NFATC3: variants seen among roughly 807,000 people sequenced by gnomAD.
NFATC3 encodes nuclear factor of activated T-cells, cytoplasmic 3.
Under a neutral mutation model 98.6 loss-of-function variants are expected in NFATC3, and 46 were observed. The observed-to-expected ratio is 0.47, with a 90% CI of 0.37 to 0.60. NFATC3 has a LOEUF of 0.60. Ranked by LOEUF, NFATC3 falls within the 20% of genes least tolerant of loss-of-function variation. NFATC3 has a pLI of 0.00. For synonymous variants in NFATC3, 512 were observed against 472.2 expected, an observed-to-expected ratio of 1.08 and a Z score of -1.09; for missense variants, 1,256 against 1,295.5, an observed-to-expected ratio of 0.97 and a Z score of 0.47.
intron 9 of NFATC3, among the ~76,000 whole-genome samples, chr16:68,210,052 C>T (rs1186363058): frequency 6.6e-6 from 1 of 151,866 alleles, no homozygotes; most frequent in Non-Finnish European, 1.5e-5. Context: ...AATCCCAGCA[C>T]TTTGGGAGGC....
intron 9 of NFATC3, chr16:68,192,315 A>G (rs1265886868): frequency 7.6e-6 from 1 of 131,782 alleles, no homozygotes; most frequent in African/African-American, 2.8e-5. Flanking sequence ...ATATATATGT[A>G]TGTGTATATA....
chr16:68,114,797 A>G (rs1191948742), intron 1 of NFATC3, among the ~76,000 whole-genome samples: 2 of 151,166 alleles, frequency 1.3e-5, no homozygotes, highest in African/African-American at 4.9e-5. Context: ...ATAGTCTCGA[A>G]CTCCTGATCT....
chr16:68,192,625 G>C (rs749042378), intron 9 of NFATC3, among the ~76,000 whole-genome samples: 16 of 152,114 alleles, frequency 1.1e-4, no homozygotes, highest in Non-Finnish European at 1.9e-4. Context: ...TTGGAAGGCT[G>C]AGGCGGGTAG....
Position 68,191,345 on chromosome 16 carries a change from A to G in NFATC3, c.2676A>G (p.Arg892=). ...ATCATTGTTCAAATACAGGACAAAG[A>G]TCTCTTTCTTCTCCAGTGGCTGACC... ...MGYHCSNTGQ[R]SLSSPVADQI... The change falls in exon 9 of 10, where the codon AGA becomes AGG. Residue 892 remains arginine (R), a synonymous_variant. Coordinates refer to ENST00000346183, the MANE Select transcript of NFATC3 (RefSeq NM_173165.3). The G allele has an allele frequency of 3.1e-6, 5 of 1,614,036 alleles. No homozygotes were observed. The highest frequency in any genetic ancestry group is 2.2e-5 in the East Asian group (1 of 44,872).
chr16:68,125,817 A>G (rs1455097073), intron 2 of NFATC3, among the ~76,000 whole-genome samples: 1 of 152,210 alleles, frequency 6.6e-6, no homozygotes, highest in East Asian at 1.9e-4. Context: ...ATAAATTATA[A>G]GAATTTGTCT....
At chr16:68,167,136 T>G in intron 5 of NFATC3, 121 bp downstream of exon 5, 2 of 1,001,270 alleles carry the variant, frequency 2.0e-6, no homozygotes, top group Non-Finnish European at 2.9e-6. Context: ...GGTTGCTGGT[T>G]TGATTTTCTC....
At chr16:68,117,470 C>G (rs2036341729) in intron 1 of NFATC3, among the ~76,000 whole-genome samples, 1 of 152,138 alleles carries the variant, frequency 6.6e-6, no homozygotes, top group Admixed American at 6.5e-5. Context: ...CCTCCTTACT[C>G]AGGAGTAACA....
chr16:68,138,528 A>G (rs1567516364), intron 3 of NFATC3: 2 of 1,283,390 alleles, frequency 1.6e-6, no homozygotes, highest in African/African-American at 1.5e-5. Flanking sequence ...AGATACGTTC[A>G]TCTTTTGATG....
At chr16:68,159,868 A>G (rs2038806356) in intron 4 of NFATC3, among the ~76,000 whole-genome samples, 1 of 151,672 alleles carries the variant, frequency 6.6e-6, no homozygotes, top group Non-Finnish European at 1.5e-5. Context: ...ACCTGAGACC[A>G]GGAGTTTGAG....
At chr16:68,126,708 A>G (rs1441411398) in intron 3 of NFATC3, 98 bp downstream of exon 3, 4 of 1,187,520 alleles carry the variant, frequency 3.4e-6, no homozygotes, top group African/African-American at 1.5e-5. Flanking sequence ...AAGAGCATAA[A>G]CTCAAAACTA....
intron 3 of NFATC3, among the ~76,000 whole-genome samples, chr16:68,137,221 T>C (rs2037469717): frequency 2.6e-5 from 4 of 152,228 alleles, no homozygotes; most frequent in Admixed American, 2.6e-4. Flanking sequence ...TTTATTTCTT[T>C]ATATCCTTAT....
chr16:68,226,555 T>C lies in NFATC3; in HGVS notation c.*84T>C. The stretch of plus-strand genomic sequence containing the variant: ...ACCTTGGGTTTCCAACTCTGCAGCC[T>C]TCAGGTCTGGGGCCAGGAGTGGGAC... On this transcript the variant is annotated 3_prime_UTR_variant, in exon 10 of 10. Transcript: ENST00000346183. The C allele has an allele frequency of 7.1e-7, 1 of 1,410,114 alleles. No individual in the cohort carries two copies. 87.4% of individuals were successfully genotyped at this position (1,410,114 alleles called of 1,614,324 possible).
In NFATC3 at chr16:68,144,443, A is replaced by G. The variant is rs144716592; in HGVS notation, c.1402-13426A>G. Reference sequence around the variant, plus strand: ...CTGGGGCATTTATAACAGAAAAAAAAAAACTTATGTTTACACAATAGGTAT... The same window carrying G: ...CTGGGGCATTTATAACAGAAAAAAAGAAACTTATGTTTACACAATAGGTAT... On this transcript the variant is annotated intron_variant, in intron 3 of 9. Transcript: ENST00000346183. Among the ~76,000 whole-genome samples the G allele has an allele frequency of 3.4e-3, 524 of 152,248 alleles. 6 individuals are homozygous for G. Among genetic ancestry groups the G allele is most frequent in the African/African-American group, 0.012 (487 of 41,544 alleles).
chr16:68,132,033 A>T (rs553341603), intron 3 of NFATC3, among the ~76,000 whole-genome samples: 35 of 152,334 alleles, frequency 2.3e-4, no homozygotes, highest in African/African-American at 8.4e-4. Flanking sequence ...ATCAGGTATC[A>T]CTTCCACTTT....
rs117240395 is a variant in NFATC3 at position 68,109,026 on chromosome 16, A to G, written c.104-12961A>G. ...GATCATGCCATCTGCAAACAAAGAC[A>G]ATTTGACTCCCTCTCTTCCTATGCG... On this transcript the variant is annotated intron_variant, in intron 1 of 9. Transcript: ENST00000346183. Among the ~76,000 whole-genome samples the G allele has an allele frequency of 2.4e-4, 36 of 152,238 alleles. No individual in the cohort carries two copies. The East Asian group carries it at 5.8e-3, about 24-fold the overall frequency.
chr16:68,123,041 T>G lies in NFATC3; in HGVS notation c.1158T>G (p.Asp386Glu). ...GATCTCAGTATCCTTTAAAGAAAGA[T>G]TCATGTGGTGATCAGTTTCTTTCAG... ...GLGSQYPLKK[D>E]SCGDQFLSVP... is the part of the protein sequence containing the mutation. The change falls in exon 2 of 10, where the codon GAT (aspartate) becomes GAG (glutamate). Residue 386 changes from aspartate to glutamate, a missense_variant. By Grantham distance (45) the Asp-to-Glu change is conservative. Around this residue, in one of 3 missense-constraint regions of NFATC3, gnomAD observed 464 missense variants for 465.7 expected, o/e 1.00. Coordinates refer to ENST00000346183, the MANE Select transcript of NFATC3 (RefSeq NM_173165.3). The G allele has an allele frequency of 6.2e-7, 1 of 1,613,148 alleles. No homozygotes were observed. Among genetic ancestry groups the G allele is most frequent in the East Asian group, 2.2e-5 (1 of 44,886 alleles).
chr16:68,207,473 T>C (rs1411086622), intron 9 of NFATC3, among the ~76,000 whole-genome samples: 2 of 152,122 alleles, frequency 1.3e-5, no homozygotes, highest in Non-Finnish European at 2.9e-5. Flanking sequence ...TGTGTTCAAC[T>C]TTCTTTTTGA....
chr16:68,139,802 G>A (rs1272491888), intron 3 of NFATC3, among the ~76,000 whole-genome samples: 2 of 152,146 alleles, frequency 1.3e-5, no homozygotes, highest in Non-Finnish European at 2.9e-5. Flanking sequence ...AATCAGACAT[G>A]TTGACTACTC....
intron 3 of NFATC3, among the ~76,000 whole-genome samples, chr16:68,155,569 A>G (rs767614163): frequency 1.1e-4 from 17 of 152,176 alleles, no homozygotes; most frequent in Admixed American, 2.0e-4. Context: ...CTTGGTTATG[A>G]AGCATAGGTA....
Sources: allele counts gnomAD v4.1 joint callset (sites outside exome capture counted in the v4.1 genomes callset), GRCh38; gene constraint gnomAD v4.1.1; regional missense constraint gnomAD v4.1.1; transcripts MANE v1.5; gene names NCBI Gene and HGNC (gene_info 2026-07-23, HGNC 2026-07-21).